PBRM1: variants seen among roughly 807,000 people sequenced by gnomAD.
PBRM1 encodes the protein protein polybromo-1.
Under a neutral mutation model 194.5 loss-of-function variants are expected in PBRM1, and 27 were observed. That is an observed-to-expected ratio of 0.14 (90% CI 0.10 to 0.19). The LOEUF (loss-of-function observed/expected upper bound fraction) is 0.19. PBRM1 is among the 10% of genes least tolerant of loss of function. The pLI, the probability that PBRM1 is intolerant of heterozygous loss-of-function variation, is 1.00. For missense variants in PBRM1, 1,466 were observed against 2,077.2 expected, an observed-to-expected ratio of 0.71 and a Z score of 5.72; for synonymous variants, 655 against 693.2, an observed-to-expected ratio of 0.94 and a Z score of 0.87.
intron 20 of PBRM1, among the ~76,000 whole-genome samples, chr3:52,581,734 T>A (rs902453450): frequency 6.6e-6 from 1 of 151,286 alleles, no homozygotes; most frequent in African/African-American, 2.4e-5. Context: ...CCCTCCTGGG[T>A]TCAAGTGATT....
At chr3:52,629,071 C>A in intron 11 of PBRM1, 36 bp from the exon 13 acceptor site, 2 of 1,525,860 alleles carry the variant, frequency 1.3e-6, no homozygotes, top group Admixed American at 1.9e-5. Context: ...AATTTTCTGT[C>A]ATGAAAATTA....
intron 15 of PBRM1, among the ~76,000 whole-genome samples, chr3:52,612,258 CAAA>C (rs566481465): frequency 2.0e-3 from 49 of 24,012 alleles, no homozygotes; most frequent in Middle Eastern, 0.025. Flanking sequence ...GATTCCGTCT[CAAA>C]AAAAAAAAAA....
chr3:52,637,040 C>A (rs374419976), intron 10 of PBRM1, among the ~76,000 whole-genome samples: 4 of 152,160 alleles, frequency 2.6e-5, no homozygotes, highest in African/African-American at 9.6e-5. Context: ...GGATTAGGAA[C>A]CAGAGTCATG....
rs539928948 is a variant in PBRM1, at chr3:52,566,930, G to A, written c.3692-2697C>T. On this transcript the variant is annotated intron_variant, in intron 22 of 29. Coordinates refer to ENST00000296302, the Ensembl canonical transcript of PBRM1. ...CTAAAAATACAAAAATTAGCCAGGC[G>A]TGGTAGCTTGCGCCTGTAATCCCAG... 5.3e-5 allele frequency among the ~76,000 whole-genome samples: 8 copies of A among 152,170 alleles called. No homozygotes were observed. In the South Asian group the frequency reaches 6.2e-4, roughly 12 times the overall value.
chr3:52,625,244 C>T (rs1391419794), intron 13 of PBRM1, among the ~76,000 whole-genome samples: 1 of 152,210 alleles, frequency 6.6e-6, no homozygotes, highest in Non-Finnish European at 1.5e-5. Flanking sequence ...TTAGCCCTGA[C>T]TTCTGTGGCC....
chr3:52,589,874 G>A (rs903494832), intron 17 of PBRM1, among the ~76,000 whole-genome samples: 12 of 151,774 alleles, frequency 7.9e-5, no homozygotes, highest in African/African-American at 2.9e-4. Flanking sequence ...TGTTGCCCAG[G>A]CTGGAGTGCA....
Position 52,554,790 on chromosome 3 carries a change from G to A in PBRM1, c.4543C>T (p.Pro1515Ser), listed in dbSNP as rs201036766. The stretch of plus-strand genomic sequence containing the variant: ...AGATGGTGGGGTGGAGGCCCCCCAG[G>A]GTGAAGTGGCTGCATGCTGCCCATG... The change falls in exon 27 of 30, where the codon CCT becomes TCT. Residue 1515 changes from proline to serine, a missense_variant. Physicochemically the swap from Pro to Ser is moderately conservative, Grantham distance 74. Around this residue, in one of 5 missense-constraint regions of PBRM1, gnomAD observed 244 missense variants for 324.6 expected, o/e 0.75. Coordinates refer to ENST00000296302, the Ensembl canonical transcript of PBRM1. 1.9e-5 allele frequency: 30 copies of A among 1,591,018 alleles called. No individual in the cohort carries two copies. The Admixed American group carries it at 3.9e-4, about 20-fold the overall frequency.
intron 22 of PBRM1, among the ~76,000 whole-genome samples, chr3:52,571,852 TC>T (rs201818317): frequency 2.0e-5 from 1 of 49,124 alleles, no homozygotes; most frequent in African/African-American, 1.2e-4. Context: ...ATACCTCATC[TC>T]CCCAAAAAAA....
chr3:52,586,672 C>T (rs747709999), exon 20 of PBRM1: 12 of 1,523,172 alleles, frequency 7.9e-6, no homozygotes, highest in Non-Finnish European at 5.3e-6. Flanking sequence ...GTTTTCTGGG[C>T]ATAACTTAAA....
intron 22 of PBRM1, among the ~76,000 whole-genome samples, chr3:52,569,782 TTTG>T (rs1243687225): frequency 6.6e-6 from 1 of 152,294 alleles, no homozygotes; most frequent in African/African-American, 2.4e-5. Context: ...AGATAATAGG[TTTG>T]TTATTTATTT....
intron 15 of PBRM1, 121 bp from the exon 18 acceptor site, chr3:52,610,076 C>A: frequency 1.7e-6 from 1 of 588,254 alleles, no homozygotes; most frequent in South Asian, 4.1e-5. Flanking sequence ...ATTAGCATGT[C>A]TATAGTGAAA....
In PBRM1 at chr3:52,602,750, G is replaced by A. The variant is rs138794893; in HGVS notation, c.2779+771C>T. ...ATCTCCTTTGGTGACAAAGCTGTTGGTTTTGCAGTTAGTTCTATGCTGGCA... is the reference window on the plus strand; with the variant it reads ...ATCTCCTTTGGTGACAAAGCTGTTGATTTTGCAGTTAGTTCTATGCTGGCA... On this transcript the variant is annotated intron_variant, in intron 17 of 29. Coordinates refer to ENST00000296302, the Ensembl canonical transcript of PBRM1. 3.3e-5 allele frequency among the ~76,000 whole-genome samples: 5 copies of A among 152,272 alleles called. No homozygotes were observed. The East Asian group carries it at 9.6e-4, about 29-fold the overall frequency.
intron 26 of PBRM1, among the ~76,000 whole-genome samples, chr3:52,556,201 A>G (rs2082189692): frequency 1.3e-5 from 2 of 152,234 alleles, no homozygotes; most frequent in South Asian, 4.1e-4. Context: ...TGAAATTACT[A>G]AAAATTCTGA....
At chr3:52,594,431 T>G (rs2093382259) in intron 17 of PBRM1, among the ~76,000 whole-genome samples, 1 of 152,192 alleles carries the variant, frequency 6.6e-6, no homozygotes, top group African/African-American at 2.4e-5. Flanking sequence ...CTTGGTAGAT[T>G]TTTCTCCATG....
chr3:52,596,538 G>A (rs551220474), intron 17 of PBRM1, among the ~76,000 whole-genome samples: 8 of 148,014 alleles, frequency 5.4e-5, no homozygotes, highest in Non-Finnish European at 1.0e-4. Context: ...CAGGGCCCAA[G>A]GGCTCTTTAG....
chr3:52,548,051 G>A (rs779338157), exon 30 of PBRM1: 17 of 1,600,296 alleles, frequency 1.1e-5, no homozygotes, highest in Admixed American at 1.7e-5. Flanking sequence ...TAAAAGAAAC[G>A]TAATGATGTG....
At chr3:52,593,418 G>C (rs1002488624) in intron 17 of PBRM1, among the ~76,000 whole-genome samples, 9 of 152,140 alleles carry the variant, frequency 5.9e-5, no homozygotes, top group Non-Finnish European at 1.5e-5. Flanking sequence ...TGCATTTTTA[G>C]TAGAGAAGAG....
At chr3:52,569,066 T>G (rs934730666) in intron 22 of PBRM1, among the ~76,000 whole-genome samples, 2 of 152,058 alleles carry the variant, frequency 1.3e-5, no homozygotes, top group African/African-American at 4.8e-5. Context: ...TTCTGTACTT[T>G]TTGTAGAAAT....
chr3:52,555,989 C>A (rs1043293089), intron 26 of PBRM1, among the ~76,000 whole-genome samples: 1 of 152,098 alleles, frequency 6.6e-6, no homozygotes, highest in African/African-American at 2.4e-5. Flanking sequence ...AAAGCTCCCC[C>A]CAAAATGCAG....
Sources: allele counts gnomAD v4.1 joint callset (sites outside exome capture counted in the v4.1 genomes callset), GRCh38; gene constraint gnomAD v4.1.1; regional missense constraint gnomAD v4.1.1; transcripts MANE v1.5; gene names NCBI Gene and HGNC (gene_info 2026-07-23, HGNC 2026-07-21).